Variants in NSD2 observed in about 807,000 individuals in gnomAD.
The protein encoded by NSD2 is nuclear receptor binding SET domain protein 2.
A neutral mutation model predicts 139.0 loss-of-function variants in NSD2; 12 were observed. That is an observed-to-expected ratio of 0.09 (90% CI 0.06 to 0.14). The LOEUF is 0.14. NSD2 is among the 10% of genes least tolerant of loss of function. NSD2 has a pLI of 1.00. For synonymous variants in NSD2, 669 were observed against 648.7 expected, an observed-to-expected ratio of 1.03 and a Z score of -0.48; for missense variants, 1,155 against 1,745.0, an observed-to-expected ratio of 0.66 and a Z score of 6.02.
chr4:1,906,987 G>T (rs17132081), intron 3 of NSD2, among the ~76,000 whole-genome samples: 9,552 of 151,928 alleles, frequency 0.063, 1,036 homozygotes, highest in African/African-American at 0.22. Context: ...GCTTGACTCC[G>T]GGACCTTGCA....
chr4:1,949,834 ATTTG>A (rs1724029829), intron 9 of NSD2, among the ~76,000 whole-genome samples: 1 of 152,004 alleles, frequency 6.6e-6, no homozygotes, highest in South Asian at 2.1e-4. Flanking sequence ...TTAGTTTTTA[ATTTG>A]TTTTTCTTCC....
Position 1,974,741 on chromosome 4 carries a change from C to A in NSD2, c.3373-122C>A. 2 of 1,418,514 alleles carry A rather than the reference C, an allele frequency of 1.4e-6. No homozygotes were observed. The highest frequency in any genetic ancestry group is 1.4e-5 in the African/African-American group (1 of 71,076). The allele number at this position is 1,418,514 out of a possible 1,614,324, so 87.9% of individuals were successfully genotyped here. Reference sequence around the variant, plus strand: ...GTCCTGTCTCAGTGGACACAGGACACCACGGTTTTCAGTACAACAAGGAAC... The same window carrying A: ...GTCCTGTCTCAGTGGACACAGGACAACACGGTTTTCAGTACAACAAGGAAC... On this transcript the variant is annotated intron_variant, in intron 18 of 21. Transcript: ENST00000508803. The surrounding 1 kb of genome is among the most constrained non-coding windows in gnomAD (Gnocchi z 4.0).
intron 1 of NSD2, among the ~76,000 whole-genome samples, chr4:1,888,400 G>A (rs1260362434): frequency 1.4e-4 from 16 of 110,478 alleles, no homozygotes; most frequent in Non-Finnish European, 2.0e-4. Flanking sequence ...GTGACAGAGC[G>A]AGATTGCCTC....
chr4:1,981,132 G>C lies in NSD2; in HGVS notation c.*2223G>C, dbSNP rs543757429. On this transcript the variant is annotated 3_prime_UTR_variant, in exon 22 of 22. Coordinates refer to ENST00000508803, the MANE Select transcript of NSD2 (RefSeq NM_001042424.3). ...AAATCTTGTGATTTTTAATCGCTTTGATAATACTTCCAAATTTTATGATTT... is the reference window on the plus strand; with the variant it reads ...AAATCTTGTGATTTTTAATCGCTTTCATAATACTTCCAAATTTTATGATTT... The C allele has an allele frequency of 2.1e-5, 5 of 233,288 alleles. No homozygotes were observed. The highest frequency in any genetic ancestry group is 1.1e-4 in the African/African-American group (5 of 45,468). The allele number at this position is 233,288 out of a possible 1,614,324, so 14.5% of individuals were successfully genotyped here. A position where few individuals can be genotyped will look rare whatever the true frequency, so the allele number is the denominator to read the frequency against.
chr4:1,938,398 TTTCTTTTTTTTTTCTTTC>T lies in NSD2; in HGVS notation c.1675-50_1675-33del. 1.2e-5 allele frequency: 15 copies of T among 1,284,436 alleles called. No homozygotes were observed. The South Asian group carries it at 1.4e-4, about 12-fold the overall frequency. 79.6% of individuals were successfully genotyped at this position (1,284,436 alleles called of 1,614,324 possible). ...TTTTCTTTTTTTTTCCTTTTTTTCT[TTTCTTTTTTTTTTCTTTC>T]TTTTTTTTTTTTTTTTTTTTTTTTT... On this transcript the variant is annotated intron_variant, in intron 7 of 21. Coordinates refer to ENST00000508803, the MANE Select transcript of NSD2 (RefSeq NM_001042424.3).
chr4:1,924,220 A>C (rs78685951), intron 5 of NSD2, among the ~76,000 whole-genome samples: 1 of 152,196 alleles, frequency 6.6e-6, no homozygotes, highest in Non-Finnish European at 1.5e-5. Flanking sequence ...CAATGTGTGT[A>C]CAGCCACCGT....
Position 1,953,358 on chromosome 4 carries a change from G to A in NSD2, c.2172G>A (p.Lys724=). The change falls in exon 12 of 22, where the codon AAG becomes AAA. Residue 724 remains lysine (K), a synonymous_variant. Coordinates refer to ENST00000508803, the MANE Select transcript of NSD2 (RefSeq NM_001042424.3). ...IHSCFVCKES[K]TDVKRCVVTQ... ...CATGTTTCGTGTGTAAAGAGAGCAA[G>A]ACAGATGTTAAGCGCTGTGTGGTAA... is the stretch of plus-strand genomic sequence containing the variant. 6.2e-7 allele frequency: 1 copy of A among 1,614,246 alleles called. No individual in the cohort carries two copies. Among genetic ancestry groups the A allele is most frequent in the South Asian group, 1.1e-5 (1 of 91,092 alleles).
intron 1 of NSD2, among the ~76,000 whole-genome samples, chr4:1,879,139 G>T (rs1194855831): frequency 6.6e-6 from 1 of 152,120 alleles, no homozygotes; most frequent in African/African-American, 2.4e-5. Context: ...CATGGCATGT[G>T]GTTCCTGCCT....
Position 1,941,461 on chromosome 4 carries a change from A to T in NSD2, c.1881+1683A>T, listed in dbSNP as rs577545379. ...AGTGTAGCGGGGTCGAGGCCTGCCC[A>T]TGAGTCAGGGGAGCTCAGTCTCCCT... On this transcript the variant is annotated intron_variant, in intron 9 of 21. Transcript: ENST00000508803. The T allele has an allele frequency of 1.6e-5, 17 of 1,047,596 alleles. 1 individual carries two copies. In the African/African-American group the frequency reaches 2.0e-4, roughly 12 times the overall value. 64.9% of individuals were successfully genotyped at this position (1,047,596 alleles called of 1,614,324 possible).
At chr4:1,891,065 T>C (rs1159552045) in intron 1 of NSD2, among the ~76,000 whole-genome samples, 3 of 152,138 alleles carry the variant, frequency 2.0e-5, no homozygotes, top group South Asian at 2.1e-4. Context: ...AGCTAAGTTT[T>C]GTATGTTTTG....
intron 1 of NSD2, among the ~76,000 whole-genome samples, chr4:1,879,080 T>A (rs1185870113): frequency 6.6e-6 from 1 of 152,158 alleles, no homozygotes; most frequent in Non-Finnish European, 1.5e-5. Flanking sequence ...TAAAAATGTG[T>A]CTCTGGAGCT....
At position 1,908,676 on chromosome 4, in the gene NSD2, C is replaced by T. The variant is rs148136310; in HGVS notation, c.760+4298C>T. 5.5e-4 allele frequency among the ~76,000 whole-genome samples: 84 copies of T among 152,244 alleles called. 1 individual carries two copies. In the East Asian group the frequency reaches 0.014, roughly 26 times the overall value. On this transcript the variant is annotated intron_variant, in intron 3 of 21. Transcript: ENST00000508803. ...TGTCAGCTGACCCACCCCTGGTAGGCGATGACCACCAGAGCTCTCTGTGGA... is the reference window on the plus strand; with the variant it reads ...TGTCAGCTGACCCACCCCTGGTAGGTGATGACCACCAGAGCTCTCTGTGGA...
At chr4:1,953,289 CCT>C in intron 11 of NSD2, 33 bp from the exon 12 acceptor site, 8 of 1,614,150 alleles carry the variant, frequency 5.0e-6, no homozygotes, top group Non-Finnish European at 6.8e-6. Context: ...GTTCTTTGCA[CCT>C]CTCTCTCCAC....
At position 1,979,088 on chromosome 4, in the gene NSD2, T is replaced by C; in HGVS notation, c.*179T>C. The C allele has an allele frequency of 1.4e-6, 1 of 738,910 alleles. No individual in the cohort carries two copies. Among genetic ancestry groups the C allele is most frequent in the Non-Finnish European group, 2.0e-6 (1 of 491,356 alleles). 45.8% of individuals were successfully genotyped at this position (738,910 alleles called of 1,614,324 possible). A position where few individuals can be genotyped will look rare whatever the true frequency, so the allele number is the denominator to read the frequency against. ...CTGAGCCATCCTCAGCAGCGTCCGC[T>C]GCGTCTGCACTGATGACCGTCTGAG... On this transcript the variant is annotated 3_prime_UTR_variant, in exon 22 of 22. Transcript: ENST00000508803.
intron 18 of NSD2, among the ~76,000 whole-genome samples, chr4:1,965,404 A>G (rs999990239): frequency 6.6e-6 from 1 of 152,232 alleles, no homozygotes; most frequent in Non-Finnish European, 1.5e-5. Context: ...AGACCAATAT[A>G]TCTATTGTGG....
In NSD2 at chr4:1,904,253, G is replaced by C. The variant is rs1345867166; in HGVS notation, c.635G>C (p.Arg212Thr). Residue 212 changes from arginine (R) to threonine (T), a missense_variant, in exon 3 of 22, where the codon AGA (arginine) becomes ACA (threonine). This residue lies in a region of NSD2 where 246 missense variants were observed against 262.8 expected (regional missense o/e 0.94). Transcript: ENST00000508803. ...AKKESCPNTG[R>T]DKDHLLKYNV... ...AAAGAGTCTTGTCCAAACACTGGAA[G>C]AGACAAAGACCACCTGTTGAAATAC... The C allele has an allele frequency of 2.5e-6, 4 of 1,614,132 alleles. No individual in the cohort carries two copies. In the South Asian group the frequency reaches 3.3e-5, roughly 13 times the overall value.
intron 9 of NSD2, chr4:1,944,994 C>G (rs1268208014): frequency 2.8e-6 from 3 of 1,064,826 alleles, no homozygotes; most frequent in East Asian, 5.0e-5. Context: ...CACAACCTTT[C>G]ATGTCGTGAA....
chr4:1,917,157 T>C, intron 4 of NSD2, 120 bp downstream of exon 4: 1 of 1,053,298 alleles, frequency 9.5e-7, no homozygotes, highest in South Asian at 1.9e-5. Flanking sequence ...TAACAATCTC[T>C]TTCATTGTTG....
rs1725085690 is a variant in NSD2, at chr4:1,958,803, G to A, written c.2986-668G>A. 6.6e-6 allele frequency among the ~76,000 whole-genome samples: 1 copy of A among 152,216 alleles called. No homozygotes were observed. The highest frequency in any genetic ancestry group is 2.4e-5 in the African/African-American group (1 of 41,456). On this transcript the variant is annotated intron_variant, in intron 16 of 21. Transcript: ENST00000508803. The surrounding 1 kb of genome is among the most constrained non-coding windows in gnomAD (Gnocchi z 4.6). ...AGTATGAAATGTTTAGATTCTTGGG[G>A]AATATTCCCAGATTGTTCTCCAAAA...
Sources: allele counts gnomAD v4.1 joint callset (sites outside exome capture counted in the v4.1 genomes callset), GRCh38; gene constraint gnomAD v4.1.1; regional missense constraint gnomAD v4.1.1; non-coding constraint Gnocchi (gnomAD v3.1); transcripts MANE v1.5; gene names NCBI Gene and HGNC (gene_info 2026-07-23, HGNC 2026-07-21).